XKR6: variants seen among roughly 807,000 people sequenced by gnomAD.
XKR6 encodes the protein XK related 6.
A neutral mutation model predicts 56.7 loss-of-function variants in XKR6; 22 were observed. The observed-to-expected ratio is 0.39, with a 90% CI of 0.28 to 0.55. XKR6 has a LOEUF of 0.55. Ranked by LOEUF, XKR6 falls within the 20% of genes least tolerant of loss-of-function variation. XKR6 has a pLI of 0.66. For synonymous variants in XKR6, 524 were observed against 387.8 expected (o/e 1.35, Z -4.13); for missense variants, 852 against 889.0 (o/e 0.96, Z 0.53).
At chr8:10,992,256 C>CTCTCTCTG (rs1357573776) in intron 1 of XKR6, among the ~76,000 whole-genome samples, 1 of 149,350 alleles carries the variant, frequency 6.7e-6, no homozygotes, top group South Asian at 2.1e-4. Flanking sequence ...AACTAACTCT[C>CTCTCTCTG]TCTCTCTGTC....
chr8:11,025,563 G>T (rs564951951), intron 1 of XKR6, among the ~76,000 whole-genome samples: 2 of 152,280 alleles, frequency 1.3e-5, no homozygotes, highest in East Asian at 1.9e-4. Flanking sequence ...CTAATGCCAG[G>T]CTTGGTAAGT....
At chr8:11,121,038 A>C (rs934911680) in intron 1 of XKR6, among the ~76,000 whole-genome samples, 2 of 152,234 alleles carry the variant, frequency 1.3e-5, no homozygotes, top group Non-Finnish European at 2.9e-5. Context: ...AAATTAATTC[A>C]AGATGGATTA....
At chr8:11,199,703 C>T (rs1563215391) in intron 1 of XKR6, among the ~76,000 whole-genome samples, 1 of 152,188 alleles carries the variant, frequency 6.6e-6, no homozygotes, top group Non-Finnish European at 1.5e-5. Context: ...GCAGAAAGAA[C>T]ACCTGCAAGT....
At chr8:10,963,509 G>C (rs537392446) in intron 1 of XKR6, among the ~76,000 whole-genome samples, 1 of 151,618 alleles carries the variant, frequency 6.6e-6, no homozygotes, top group South Asian at 2.1e-4. Flanking sequence ...TGAATCCACA[G>C]TGCCTCGAAC....
intron 1 of XKR6, among the ~76,000 whole-genome samples, chr8:11,121,539 G>C (rs1217390770): frequency 6.6e-6 from 1 of 152,150 alleles, no homozygotes; most frequent in African/African-American, 2.4e-5. Flanking sequence ...GAAACAACAG[G>C]TGCTGGAGAG....
In XKR6 at chr8:11,114,773, G is replaced by GTGTA. The variant is rs34746866; in HGVS notation, c.764+85802_764+85803insTACA. ...TGTGTGTGTGTGTGTGTGTGTGTGT[G>GTGTA]TATGTGCCAGGGCAAGAAAGGTCAG... is the stretch of plus-strand genomic sequence containing the variant. On this transcript the variant is annotated intron_variant, in intron 1 of 2. Coordinates refer to ENST00000416569, the MANE Select transcript of XKR6 (RefSeq NM_173683.4). Among the ~76,000 whole-genome samples the GTGTA allele has an allele frequency of 3.3e-3, 487 of 146,606 alleles. 5 individuals carry two copies. The highest frequency in any genetic ancestry group is 0.011 in the Middle Eastern group (3 of 282).
intron 1 of XKR6, among the ~76,000 whole-genome samples, chr8:10,936,280 G>A (rs1411375018): frequency 1.4e-5 from 2 of 148,012 alleles, no homozygotes; most frequent in African/African-American, 2.5e-5. Context: ...CTTTTATTTT[G>A]AGCCTATGTG....
At chr8:10,973,133 G>A (rs1802456733) in intron 1 of XKR6, among the ~76,000 whole-genome samples, 1 of 152,224 alleles carries the variant, frequency 6.6e-6, no homozygotes, top group African/African-American at 2.4e-5. Context: ...CGCATTATAG[G>A]ACTAGAGTTT....
intron 1 of XKR6, among the ~76,000 whole-genome samples, chr8:11,179,340 C>T (rs1186432309): frequency 6.6e-6 from 1 of 152,120 alleles, no homozygotes; most frequent in African/African-American, 2.4e-5. Flanking sequence ...ACTTTAGCCA[C>T]CATACAGAAA....
intron 1 of XKR6, among the ~76,000 whole-genome samples, chr8:11,104,311 A>G (rs77787094): frequency 0.016 from 2,367 of 150,752 alleles, 54 homozygotes; most frequent in African/African-American, 0.057. Flanking sequence ...CCATTGAGGA[A>G]GAGTATCAAC....
intron 1 of XKR6, among the ~76,000 whole-genome samples, chr8:10,961,451 G>A (rs115527070): frequency 0.013 from 1,978 of 152,310 alleles, 47 homozygotes; most frequent in African/African-American, 0.045. Flanking sequence ...AGGGGCGGCT[G>A]GGGAAATAGG....
At chr8:10,976,030 G>T (rs1288566975) in intron 1 of XKR6, among the ~76,000 whole-genome samples, 2 of 151,846 alleles carry the variant, frequency 1.3e-5, no homozygotes, top group African/African-American at 4.8e-5. Context: ...AAAAAAATTA[G>T]CTGGGCGCAA....
At chr8:11,115,848 T>C (rs1799146528) in intron 1 of XKR6, among the ~76,000 whole-genome samples, 1 of 152,220 alleles carries the variant, frequency 6.6e-6, no homozygotes, top group South Asian at 2.1e-4. Context: ...ATAAATACAT[T>C]TCTGAGTTGG....
chr8:10,954,994 G>A (rs1421132523), intron 1 of XKR6, among the ~76,000 whole-genome samples: 1 of 150,616 alleles, frequency 6.6e-6, no homozygotes, highest in Non-Finnish European at 1.5e-5. Flanking sequence ...TCAGTCTCCC[G>A]AGTAGCTAGG....
chr8:10,914,486 G>A (rs918302594), intron 2 of XKR6, among the ~76,000 whole-genome samples: 1 of 152,170 alleles, frequency 6.6e-6, no homozygotes, highest in Non-Finnish European at 1.5e-5. Context: ...TCAGGTTCTT[G>A]ATGGCCTCTG....
intron 1 of XKR6, among the ~76,000 whole-genome samples, chr8:11,133,322 A>G (rs1043537652): frequency 2.0e-5 from 3 of 152,146 alleles, no homozygotes; most frequent in African/African-American, 7.2e-5. Flanking sequence ...GGCAAGGTGG[A>G]AGTGCACTGT....
intron 1 of XKR6, among the ~76,000 whole-genome samples, chr8:11,178,844 C>CT (rs1030669805): frequency 1.3e-3 from 191 of 149,932 alleles, no homozygotes; most frequent in Middle Eastern, 0.01. Flanking sequence ...TCCCTTTTTT[C>CT]TTTTTTTTAG....
At chr8:11,075,550 G>A (rs1439513580) in intron 1 of XKR6, among the ~76,000 whole-genome samples, 1 of 152,186 alleles carries the variant, frequency 6.6e-6, no homozygotes, top group Admixed American at 6.5e-5. Context: ...AATCTGGCAG[G>A]TGGATGGAGT....
chr8:11,003,055 G>C (rs376137314), intron 1 of XKR6, among the ~76,000 whole-genome samples: 1 of 152,078 alleles, frequency 6.6e-6, no homozygotes, highest in East Asian at 1.9e-4. Flanking sequence ...CCCTGCTTCA[G>C]CTCACAAAAT....
Sources: gnomAD v4.1 joint callset for allele counts (sites outside exome capture counted in the v4.1 genomes callset) on GRCh38, gnomAD v4.1.1 for gene constraint, MANE v1.5 for transcripts, NCBI Gene and HGNC (gene_info 2026-07-23, HGNC 2026-07-21) for gene names.